The following TAF2 variants were observed in gnomAD, a reference collection of about 807,000 sequenced individuals.
TAF2 encodes the protein transcription initiation factor TFIID subunit 2.
TAF2 carries 61 observed loss-of-function variants against 138.5 expected under a neutral mutation model. The observed-to-expected ratio is 0.44, with a 90% CI of 0.36 to 0.54. TAF2 has a LOEUF of 0.54. Ranked by LOEUF, TAF2 falls within the 20% of genes least tolerant of loss-of-function variation. The pLI is 0.00. For synonymous variants in TAF2, 475 were observed against 469.9 expected, an observed-to-expected ratio of 1.01 and a Z score of -0.14; for missense variants, 1,090 against 1,427.9, an observed-to-expected ratio of 0.76 and a Z score of 3.81.
chr8:119,796,972 AACTTTCAGGTC>A lies in TAF2; in HGVS notation c.1091+7_1091+17del. 1 of 1,538,976 alleles carries A rather than the reference AACTTTCAGGTC, an allele frequency of 6.5e-7. No individual in the cohort carries two copies. Among genetic ancestry groups the A allele is most frequent in the Non-Finnish European group, 9.0e-7 (1 of 1,111,814 alleles). Reference sequence around the variant, plus strand: ...ACTTGATTCTCTTCTCAGTAGTATGAACTTTCAGGTCACTCACCAAGACATTCTAGATATGA... The same window carrying A: ...ACTTGATTCTCTTCTCAGTAGTATGAACTCACCAAGACATTCTAGATATGA... On this transcript the variant is annotated splice_region_variant and intron_variant, in intron 8 of 25. Transcript: ENST00000378164.
At chr8:119,736,239 T>C (rs888856820) in intron 25 of TAF2, among the ~76,000 whole-genome samples, 5 of 152,218 alleles carry the variant, frequency 3.3e-5, no homozygotes, top group African/African-American at 1.2e-4. Context: ...ATTAAAGAAA[T>C]ATTGGTAATA....
At chr8:119,739,014 T>G (rs1421309792) in intron 25 of TAF2, among the ~76,000 whole-genome samples, 1 of 116,420 alleles carries the variant, frequency 8.6e-6, no homozygotes, top group Non-Finnish European at 1.8e-5. Context: ...AAAGAAGTTT[T>G]TTTTTTTTTT....
intron 25 of TAF2, among the ~76,000 whole-genome samples, chr8:119,741,588 T>A (rs1048092836): frequency 1.3e-5 from 2 of 152,122 alleles, no homozygotes; most frequent in Non-Finnish European, 2.9e-5. Context: ...CAGTCTGGGG[T>A]CTCAACATCA....
At chr8:119,801,534 T>C (rs1338543638) in intron 6 of TAF2, among the ~76,000 whole-genome samples, 1 of 151,712 alleles carries the variant, frequency 6.6e-6, no homozygotes, top group Admixed American at 6.6e-5. Context: ...GTTCAAGCCA[T>C]TCTCCTGCCT....
At chr8:119,830,103 T>A (rs1262211280) in intron 2 of TAF2, among the ~76,000 whole-genome samples, 1 of 151,956 alleles carries the variant, frequency 6.6e-6, no homozygotes, top group Non-Finnish European at 1.5e-5. Flanking sequence ...TTTCACCGTG[T>A]TAGCCAGGAT....
intron 20 of TAF2, among the ~76,000 whole-genome samples, chr8:119,759,929 A>G (rs1820946467): frequency 6.6e-6 from 1 of 152,102 alleles, no homozygotes; most frequent in African/African-American, 2.4e-5. Context: ...TTTGCCTTGC[A>G]CCATAATCTG....
chr8:119,768,813 G>A (rs1821626431), intron 18 of TAF2, among the ~76,000 whole-genome samples: 2 of 152,200 alleles, frequency 1.3e-5, no homozygotes, highest in South Asian at 4.1e-4. Flanking sequence ...GAAAGCCACA[G>A]AGCTGTCTGT....
Position 119,762,422 on chromosome 8 carries a change from T to G in TAF2, c.2551A>C (p.Thr851Pro). 1 of 1,613,256 alleles carries G rather than the reference T, an allele frequency of 6.2e-7. No homozygotes were observed. Among genetic ancestry groups the G allele is most frequent in the Non-Finnish European group, 8.5e-7 (1 of 1,179,312 alleles). The change falls in exon 19 of 26, where the codon ACT becomes CCT. Residue 851 changes from threonine to proline, a missense_variant. Around this residue, in one of 3 missense-constraint regions of TAF2, gnomAD observed 580 missense variants for 719.6 expected, o/e 0.81. Transcript: ENST00000378164. ...KLLPSYRHTITVSCLRAIRVL... is the reference protein window; with the variant it reads ...KLLPSYRHTIPVSCLRAIRVL... ...TAAGGAATTTAATCATACCTGACAG[T>G]GATGGTATGCCTGTAACTCGGAAGA...
chr8:119,820,681 A>G (rs1011590637), intron 2 of TAF2, among the ~76,000 whole-genome samples: 1 of 152,220 alleles, frequency 6.6e-6, no homozygotes, highest in African/African-American at 2.4e-5. Flanking sequence ...AATGATATGC[A>G]AGAATTGTTT....
intron 5 of TAF2, among the ~76,000 whole-genome samples, chr8:119,802,372 G>A (rs1824324572): frequency 6.6e-6 from 1 of 152,250 alleles, no homozygotes; most frequent in East Asian, 1.9e-4. Context: ...ACTAAAAAAG[G>A]CTCACAGCAA....
intron 18 of TAF2, among the ~76,000 whole-genome samples, chr8:119,764,256 A>G (rs1821275760): frequency 6.6e-6 from 1 of 152,226 alleles, no homozygotes; most frequent in African/African-American, 2.4e-5. Flanking sequence ...GGAACACACA[A>G]GAACTTATTA....
At chr8:119,735,047 G>T (rs926989540) in intron 25 of TAF2, among the ~76,000 whole-genome samples, 2 of 152,176 alleles carry the variant, frequency 1.3e-5, no homozygotes, top group African/African-American at 4.8e-5. Flanking sequence ...GTCAAAGAGA[G>T]ATTTAAGTAA....
At chr8:119,782,967 A>C (rs1310597718) in intron 16 of TAF2, among the ~76,000 whole-genome samples, 1 of 150,964 alleles carries the variant, frequency 6.6e-6, no homozygotes, top group Non-Finnish European at 1.5e-5. Flanking sequence ...ACATTGTGAG[A>C]TCTTGTCTTT....
At chr8:119,794,741 G>A (rs1823699717) in intron 9 of TAF2, among the ~76,000 whole-genome samples, 1 of 152,082 alleles carries the variant, frequency 6.6e-6, no homozygotes, top group Non-Finnish European at 1.5e-5. Context: ...AATAGTTTCT[G>A]AAATAAAGAA....
chr8:119,744,618 C>T (rs981127240), intron 23 of TAF2: 25 of 549,518 alleles, frequency 4.5e-5, no homozygotes, highest in Middle Eastern at 5.1e-4. Flanking sequence ...GTAATAGCAA[C>T]TAAAATCTAC....
At chr8:119,808,987 T>A (rs1297614973) in intron 3 of TAF2, among the ~76,000 whole-genome samples, 1 of 152,212 alleles carries the variant, frequency 6.6e-6, no homozygotes, top group Non-Finnish European at 1.5e-5. Context: ...TAACTTAAAG[T>A]TCCCAGCTGC....
At chr8:119,829,355 C>T (rs986590444) in intron 2 of TAF2, among the ~76,000 whole-genome samples, 2 of 152,122 alleles carry the variant, frequency 1.3e-5, no homozygotes, top group Admixed American at 6.5e-5. Flanking sequence ...TACAAGGTGA[C>T]CCATTCCATG....
intron 18 of TAF2, among the ~76,000 whole-genome samples, chr8:119,775,268 A>G (rs917251618): frequency 7.0e-6 from 1 of 142,936 alleles, no homozygotes; most frequent in African/African-American, 2.6e-5. Flanking sequence ...CAACAAAGCA[A>G]GATTCCATCT....
At chr8:119,799,807 G>T (rs1281912702) in intron 6 of TAF2, among the ~76,000 whole-genome samples, 1 of 152,190 alleles carries the variant, frequency 6.6e-6, no homozygotes, top group Non-Finnish European at 1.5e-5. Context: ...ATCCTCTCCA[G>T]CACCTGTTGT....
Sources: allele counts gnomAD v4.1 joint callset (sites outside exome capture counted in the v4.1 genomes callset), GRCh38; gene constraint gnomAD v4.1.1; regional missense constraint gnomAD v4.1.1; transcripts MANE v1.5; gene names NCBI Gene and HGNC (gene_info 2026-07-23, HGNC 2026-07-21).